Variants in AGPAT4 observed in about 807,000 individuals in gnomAD.
The protein encoded by AGPAT4 is 1-acyl-sn-glycerol-3-phosphate acyltransferase delta.
Under a neutral mutation model 48.0 loss-of-function variants are expected in AGPAT4, and 15 were observed. The ratio of observed to expected loss-of-function variants is 0.31; its 90% CI spans 0.21 to 0.48. The LOEUF is 0.48. Ranked by LOEUF, AGPAT4 falls within the 20% of genes least tolerant of loss-of-function variation. AGPAT4 has a pLI of 0.99. For missense variants in AGPAT4, 314 were observed against 482.5 expected, an observed-to-expected ratio of 0.65 and a Z score of 3.27; for synonymous variants, 178 against 198.7, an observed-to-expected ratio of 0.90 and a Z score of 0.88.
At position 161,148,375 on chromosome 6, in the gene AGPAT4, TC is replaced by T. The variant is rs1387390643; in HGVS notation, c.767+811del. Reference sequence around the variant, plus strand: ...TTGGCCGCCAGTCCACCAAAATATCTCCCAGGAAAGCCTGGACGTTTGGTGT... The same window carrying T: ...TTGGCCGCCAGTCCACCAAAATATCTCCAGGAAAGCCTGGACGTTTGGTGT... On this transcript the variant is annotated intron_variant, in intron 6 of 8. Coordinates refer to ENST00000320285, the MANE Select transcript of AGPAT4 (RefSeq NM_020133.3). This position sits in a 1 kb window ranked among gnomAD's most constrained non-coding sequence, Gnocchi z 5.5. Among the ~76,000 whole-genome samples, 2 of 152,136 alleles carry T rather than the reference TC, an allele frequency of 1.3e-5. No individual in the cohort carries two copies. Among genetic ancestry groups the T allele is most frequent in the African/African-American group, 4.8e-5 (2 of 41,440 alleles).
rs1239798108 is a variant in AGPAT4, at chr6:161,221,933, CA to C, written c.178+10102del. 6.6e-6 allele frequency among the ~76,000 whole-genome samples: 1 copy of C among 152,220 alleles called. No homozygotes were observed. Among genetic ancestry groups the C allele is most frequent in the African/African-American group, 2.4e-5 (1 of 41,454 alleles). ...TGATCATCTATGAAGACTCTATTTCCAAACAAGTTCACATTCACAAGCACTG... is the reference window on the plus strand; with the variant it reads ...TGATCATCTATGAAGACTCTATTTCCAACAAGTTCACATTCACAAGCACTG... On this transcript the variant is annotated intron_variant, in intron 2 of 8. Coordinates refer to ENST00000320285, the MANE Select transcript of AGPAT4 (RefSeq NM_020133.3). The surrounding 1 kb of genome is among the most constrained non-coding windows in gnomAD (Gnocchi z 4.5).
chr6:161,170,697 A>G (rs1780245950), intron 2 of AGPAT4, among the ~76,000 whole-genome samples: 1 of 152,208 alleles, frequency 6.6e-6, no homozygotes, highest in South Asian at 2.1e-4. Context: ...CTGCACAGCC[A>G]GCTCCACCTG....
chr6:161,263,318 T>A (rs932841244), intron 1 of AGPAT4, among the ~76,000 whole-genome samples: 3 of 152,132 alleles, frequency 2.0e-5, no homozygotes, highest in Non-Finnish European at 4.4e-5. Flanking sequence ...GGTGAAACCC[T>A]GTCTCTACTA....
chr6:161,191,881 C>T (rs1780931617), intron 2 of AGPAT4, among the ~76,000 whole-genome samples: 1 of 152,208 alleles, frequency 6.6e-6, no homozygotes, highest in African/African-American at 2.4e-5. Flanking sequence ...TTCCTGACTA[C>T]AGTCTTGAAC....
intron 1 of AGPAT4, among the ~76,000 whole-genome samples, chr6:161,239,121 A>G (rs1375361866): frequency 6.6e-6 from 1 of 152,226 alleles, no homozygotes; most frequent in Non-Finnish European, 1.5e-5. Flanking sequence ...CTACAGACAC[A>G]GACAGCCAGG....
Position 161,223,306 on chromosome 6 carries a change from C to T in AGPAT4, c.178+8730G>A. On this transcript the variant is annotated intron_variant, in intron 2 of 8. Coordinates refer to ENST00000320285, the MANE Select transcript of AGPAT4 (RefSeq NM_020133.3). This position sits in a 1 kb window ranked among gnomAD's most constrained non-coding sequence, Gnocchi z 6.3. ...GCATTCTGCAGCGAATTAGCATGCA[C>T]AGGTTTGATCCTAGCAGATGTTTGC... Among the ~76,000 whole-genome samples, 1 of 152,190 alleles carries T rather than the reference C, an allele frequency of 6.6e-6. No homozygotes were observed. Among genetic ancestry groups the T allele is most frequent in the East Asian group, 1.9e-4 (1 of 5,190 alleles).
chr6:161,184,115 G>A lies in AGPAT4; in HGVS notation c.179-17698C>T, dbSNP rs1780694493. ...GTGTACATCCAGTGCCTGGAACTGGGGACACATTTCAGAGCATGACTTTGG... is the reference window on the plus strand; with the variant it reads ...GTGTACATCCAGTGCCTGGAACTGGAGACACATTTCAGAGCATGACTTTGG... On this transcript the variant is annotated intron_variant, in intron 2 of 8. Transcript: ENST00000320285. The surrounding 1 kb of genome is among the most constrained non-coding windows in gnomAD (Gnocchi z 4.8). Among the ~76,000 whole-genome samples, 1 of 152,070 alleles carries A rather than the reference G, an allele frequency of 6.6e-6. No individual in the cohort carries two copies. Among genetic ancestry groups the A allele is most frequent in the African/African-American group, 2.4e-5 (1 of 41,388 alleles).
intron 2 of AGPAT4, among the ~76,000 whole-genome samples, chr6:161,209,036 A>G (rs2115016880): frequency 1.3e-5 from 2 of 152,332 alleles, no homozygotes; most frequent in South Asian, 4.1e-4. Context: ...TCAAGGAAAA[A>G]AAAGTGTAAA....
chr6:161,182,885 C>G (rs1352444294), intron 2 of AGPAT4, among the ~76,000 whole-genome samples: 1 of 152,168 alleles, frequency 6.6e-6, no homozygotes, highest in Admixed American at 6.5e-5. Flanking sequence ...CAGGAGTGAA[C>G]ACAGCTTCCC....
rs572015439 is a variant in AGPAT4, at chr6:161,144,678, G to A, written c.843+1846C>T. Among the ~76,000 whole-genome samples, 89 of 152,154 alleles carry A rather than the reference G, an allele frequency of 5.8e-4. No homozygotes were observed. The highest frequency in any genetic ancestry group is 2.0e-3 in the African/African-American group (83 of 41,502). On this transcript the variant is annotated intron_variant, in intron 7 of 8. Transcript: ENST00000320285. The surrounding 1 kb of genome is among the most constrained non-coding windows in gnomAD (Gnocchi z 6.6). ...CCTTTTCTTAGCATACTCTGCTTTC[G>A]GCTAAAAGTAACATTTTCGGCTGGG...
intron 2 of AGPAT4, among the ~76,000 whole-genome samples, chr6:161,182,146 C>A (rs1404952204): frequency 6.6e-6 from 1 of 152,186 alleles, no homozygotes; most frequent in African/African-American, 2.4e-5. Context: ...TCAGCACAGC[C>A]CAGCCCCTCG....
rs989336803 is a variant in AGPAT4, at chr6:161,147,491, TAAG to T, written c.768-895_768-893del. On this transcript the variant is annotated intron_variant, in intron 6 of 8. Transcript: ENST00000320285. This position sits in a 1 kb window ranked among gnomAD's most constrained non-coding sequence, Gnocchi z 4.8. ...CTTCTATGGCCTAAGAATATCTTAG[TAAG>T]AAGATTTGAGAGTTTATCTATCACA... Among the ~76,000 whole-genome samples, 6 of 152,132 alleles carry T rather than the reference TAAG, an allele frequency of 3.9e-5. No individual in the cohort carries two copies. Among genetic ancestry groups the T allele is most frequent in the Admixed American group, 2.0e-4 (3 of 15,280 alleles).
At chr6:161,273,790 G>GC (rs1206355528) in intron 1 of AGPAT4, 148 bp downstream of exon 1, 2 of 51,466 alleles carry the variant, frequency 3.9e-5, no homozygotes, top group African/African-American at 8.2e-5. Flanking sequence ...CGCCCGCCTT[G>GC]CACTCCCCCC....
At position 161,262,136 on chromosome 6, in the gene AGPAT4, C is replaced by T. The variant is rs981339087; in HGVS notation, c.-90+11802G>A. On this transcript the variant is annotated intron_variant, in intron 1 of 8. Transcript: ENST00000320285. This position sits in a 1 kb window ranked among gnomAD's most constrained non-coding sequence, Gnocchi z 4.9. ...GGGTTTCTTTTTTTTCAAAGTCACC[C>T]TCTTCTGGCTAGCCACCCTCCTTCT... is the stretch of plus-strand genomic sequence containing the variant. Among the ~76,000 whole-genome samples, 1 of 152,110 alleles carries T rather than the reference C, an allele frequency of 6.6e-6. No individual in the cohort carries two copies. The highest frequency in any genetic ancestry group is 1.5e-5 in the Non-Finnish European group (1 of 68,014).
rs1212232087 is a variant in AGPAT4, at chr6:161,195,806, C to G, written c.179-29389G>C. ...CTCGGGGCTCGTCACACAGGCATGG[C>G]TCTACACTGCTCTCTGGGGCAGGTG... On this transcript the variant is annotated intron_variant, in intron 2 of 8. Coordinates refer to ENST00000320285, the MANE Select transcript of AGPAT4 (RefSeq NM_020133.3). This position sits in a 1 kb window ranked among gnomAD's most constrained non-coding sequence, Gnocchi z 5.0. 6.6e-6 allele frequency among the ~76,000 whole-genome samples: 1 copy of G among 152,062 alleles called. No individual in the cohort carries two copies. Among genetic ancestry groups the G allele is most frequent in the Non-Finnish European group, 1.5e-5 (1 of 68,024 alleles).
In AGPAT4 at chr6:161,219,880, CA is replaced by C. The variant is rs1399240069; in HGVS notation, c.178+12155del. 7.4e-4 allele frequency among the ~76,000 whole-genome samples: 74 copies of C among 99,374 alleles called. No individual in the cohort carries two copies. The highest frequency in any genetic ancestry group is 2.6e-3 in the African/African-American group (72 of 28,206). 65.2% of individuals were successfully genotyped at this position (99,374 alleles called of 152,430 possible). On this transcript the variant is annotated intron_variant, in intron 2 of 8. Transcript: ENST00000320285. This position sits in a 1 kb window ranked among gnomAD's most constrained non-coding sequence, Gnocchi z 4.9. ...ATAGATAGATAGATAGATAGGCAGGCAGGCAGGCAGGCAGGCAGGCAGGCAG... is the reference window on the plus strand; with the variant it reads ...ATAGATAGATAGATAGATAGGCAGGCGGCAGGCAGGCAGGCAGGCAGGCAG...
rs1779516516 is a variant in AGPAT4 at position 161,149,061 on chromosome 6, G to A, written c.767+126C>T. On this transcript the variant is annotated intron_variant, in intron 6 of 8. Coordinates refer to ENST00000320285, the MANE Select transcript of AGPAT4 (RefSeq NM_020133.3). The surrounding 1 kb of genome is among the most constrained non-coding windows in gnomAD (Gnocchi z 6.5). Reference sequence around the variant, plus strand: ...AATAGTAGGATGTGTCAAATTCAATGCAAAACAGACTGCAAAGAAGTCAGT... The same window carrying A: ...AATAGTAGGATGTGTCAAATTCAATACAAAACAGACTGCAAAGAAGTCAGT... 3 of 1,297,974 alleles carry A rather than the reference G, an allele frequency of 2.3e-6. No homozygotes were observed. The South Asian group carries it at 4.8e-5, about 21-fold the overall frequency. 80.4% of individuals were successfully genotyped at this position (1,297,974 alleles called of 1,614,324 possible).
At chr6:161,183,099 A>G (rs1476555695) in intron 2 of AGPAT4, among the ~76,000 whole-genome samples, 2 of 152,170 alleles carry the variant, frequency 1.3e-5, no homozygotes, top group Non-Finnish European at 2.9e-5. Flanking sequence ...GTGCCCTGAC[A>G]TTGAGATTTT....
rs899334653 is a variant in AGPAT4 at position 161,171,011 on chromosome 6, T to C, written c.179-4594A>G. 6.6e-6 allele frequency among the ~76,000 whole-genome samples: 1 copy of C among 152,182 alleles called. No individual in the cohort carries two copies. Among genetic ancestry groups the C allele is most frequent in the Non-Finnish European group, 1.5e-5 (1 of 68,040 alleles). ...TCACCTCCTTTCAAAGGACATATTA[T>C]TTAGAACCTCCAATTTAACTCAGAA... is the stretch of plus-strand genomic sequence containing the variant. On this transcript the variant is annotated intron_variant, in intron 2 of 8. Transcript: ENST00000320285. The surrounding 1 kb of genome is among the most constrained non-coding windows in gnomAD (Gnocchi z 4.4).
Sources: gnomAD v4.1 joint callset for allele counts (sites outside exome capture counted in the v4.1 genomes callset) on GRCh38, gnomAD v4.1.1 for gene constraint, Gnocchi (gnomAD v3.1) non-coding constraint, MANE v1.5 for transcripts, NCBI Gene and HGNC (gene_info 2026-07-23, HGNC 2026-07-21) for gene names.